Variants in KLF8 observed in about 807,000 individuals in gnomAD.
KLF8 encodes Krueppel-like factor 8.
In KLF8, 10 loss-of-function variants were observed where a neutral mutation model predicts 18.2. The observed-to-expected ratio is 0.55, with a 90% CI of 0.34 to 0.93. The LOEUF is 0.93. Among genes scored for constraint, KLF8 ranks in the 40% least tolerant of loss-of-function variants. The pLI, the probability that KLF8 is intolerant of heterozygous loss-of-function variation, is 0.02. For synonymous variants in KLF8, 109 were observed against 97.3 expected (o/e 1.12, Z -0.71); for missense variants, 264 against 277.9 (o/e 0.95, Z 0.36).
chrX:55,978,368 A>G, the KLF8 span, among the ~76,000 whole-genome samples: 2 of 112,168 alleles, frequency 1.8e-5, no homozygotes, highest in African/African-American at 6.5e-5. Context: ...TTAGTGTGGA[A>G]AAGGCTGCAT....
At chrX:56,110,971 T>G in the KLF8 span, among the ~76,000 whole-genome samples, 3 of 111,810 alleles carry the variant, frequency 2.7e-5, no homozygotes, top group Non-Finnish European at 5.6e-5. Flanking sequence ...TGCCCTTTTA[T>G]CTCAATCCAA....
At chrX:56,200,282 A>G in the KLF8 span, among the ~76,000 whole-genome samples, 2 of 111,013 alleles carry the variant, frequency 1.8e-5, no homozygotes, top group Admixed American at 1.9e-4. Context: ...GTACTCACAA[A>G]AACTAAAACT....
At position 56,291,465 on chromosome X, in the gene KLF8, C is replaced by G. The variant is rs2067322030; in HGVS notation, c.*6971C>G. On this transcript the variant is annotated 3_prime_UTR_variant, in exon 6 of 6. Transcript: ENST00000468660. The stretch of plus-strand genomic sequence containing the variant: ...TCCATGCAGGGTGTGTGCTTGGGGA[C>G]TAAGCAATCTTGTTCAGTTTAATTA... Among the ~76,000 whole-genome samples the G allele has an allele frequency of 8.9e-6, 1 of 111,807 alleles. No homozygotes were observed. The highest frequency in any genetic ancestry group is 1.9e-5 in the Non-Finnish European group (1 of 53,142).
chrX:56,130,876 C>G, the KLF8 span, among the ~76,000 whole-genome samples: 1 of 111,142 alleles, frequency 9.0e-6, no homozygotes, highest in Non-Finnish European at 1.9e-5. Context: ...AAAGTCTCAC[C>G]AATAGAATTG....
At chrX:56,270,740 A>G (rs1433083223) in intron 5 of KLF8, among the ~76,000 whole-genome samples, 1 of 111,280 alleles carries the variant, frequency 9.0e-6, no homozygotes, top group Non-Finnish European at 1.9e-5. Flanking sequence ...AAGCACAAGA[A>G]CAATTTAAAC....
At chrX:56,055,441 C>T in the KLF8 span, among the ~76,000 whole-genome samples, 2 of 111,798 alleles carry the variant, frequency 1.8e-5, no homozygotes, top group African/African-American at 6.5e-5. Context: ...CACTGTTTGT[C>T]TGATTGGATT....
chrX:56,012,730 A>G, the KLF8 span, among the ~76,000 whole-genome samples: 1 of 111,582 alleles, frequency 9.0e-6, no homozygotes, highest in African/African-American at 3.3e-5. Flanking sequence ...TTAACCTGAT[A>G]AGCAACTTCA....
the KLF8 span, among the ~76,000 whole-genome samples, chrX:56,197,971 G>A: frequency 1.8e-5 from 2 of 111,870 alleles, no homozygotes; most frequent in Non-Finnish European, 3.8e-5. Flanking sequence ...CACATTAACA[G>A]AACCAAAGAC....
the KLF8 span, among the ~76,000 whole-genome samples, chrX:55,937,143 C>A: frequency 9.0e-6 from 1 of 110,714 alleles, no homozygotes. Flanking sequence ...TGGACTGACA[C>A]CTCACACGGC....
At chrX:56,132,805 A>G in the KLF8 span, among the ~76,000 whole-genome samples, 14 of 111,689 alleles carry the variant, frequency 1.3e-4, no homozygotes, top group Non-Finnish European at 2.3e-4. Flanking sequence ...AGATCCAAAT[A>G]ACATTAATTA....
the KLF8 span, among the ~76,000 whole-genome samples, chrX:56,031,560 C>T: frequency 4.5e-5 from 5 of 111,846 alleles, no homozygotes; most frequent in South Asian, 1.9e-3. Flanking sequence ...AGGCGTTCCA[C>T]CGGGCCAATT....
chrX:56,191,275 T>C, the KLF8 span, among the ~76,000 whole-genome samples: 1 of 111,612 alleles, frequency 9.0e-6, no homozygotes, highest in Non-Finnish European at 1.9e-5. Flanking sequence ...ATTTGAAACA[T>C]GAACAGACCA....
rs2067261619 is a variant in KLF8, at chrX:56,285,757, T to TTTTATAATATTATAA, written c.*1275_*1276insTAATTTATAATATTA. The TTTTATAATATTATAA allele has an allele frequency of 9.0e-6, 1 of 111,514 alleles. No individual in the cohort carries two copies. The highest frequency in any genetic ancestry group is 1.9e-5 in the Non-Finnish European group (1 of 53,060). The allele number at this position is 111,514 out of a possible 1,213,427, so 9.2% of individuals were successfully genotyped here. On this transcript the variant is annotated 3_prime_UTR_variant, in exon 6 of 6. Transcript: ENST00000468660. ...CTCATTTAGCTGCCCAATCAGATTG[T>TTTTATAATATTATAA]TTTATAATATTACCTGGGGTACAAA...
At chrX:56,199,569 A>AG in the KLF8 span, among the ~76,000 whole-genome samples, 2 of 111,957 alleles carry the variant, frequency 1.8e-5, no homozygotes, top group Non-Finnish European at 3.8e-5. Context: ...ATCATTAAAA[A>AG]GTCAGGAAAA....
the KLF8 span, among the ~76,000 whole-genome samples, chrX:56,124,579 G>A: frequency 2.9e-3 from 323 of 111,668 alleles, 3 homozygotes; most frequent in African/African-American, 0.01. Context: ...TATAGAGAGA[G>A]AAGTCAATGG....
chrX:56,044,232 T>C, the KLF8 span, among the ~76,000 whole-genome samples: 1 of 111,201 alleles, frequency 9.0e-6, no homozygotes, highest in Non-Finnish European at 1.9e-5. Flanking sequence ...TGTACACCTG[T>C]ATATGATGGC....
the KLF8 span, among the ~76,000 whole-genome samples, chrX:56,056,244 T>A: frequency 9.0e-6 from 1 of 110,891 alleles, no homozygotes; most frequent in Non-Finnish European, 1.9e-5. Flanking sequence ...AACTTGGATT[T>A]TTTTCTTGTA....
At chrX:56,105,249 G>C in the KLF8 span, among the ~76,000 whole-genome samples, 6 of 111,711 alleles carry the variant, frequency 5.4e-5, no homozygotes, top group South Asian at 2.3e-3. Flanking sequence ...GCAGAGCTGA[G>C]TTCAAGTCCT....
At chrX:56,007,131 G>A in the KLF8 span, among the ~76,000 whole-genome samples, 2 of 112,249 alleles carry the variant, frequency 1.8e-5, no homozygotes, top group Admixed American at 1.9e-4. Context: ...TGTCCCAGAG[G>A]CAGCCTATCC....
Sources: allele counts gnomAD v4.1 joint callset (sites outside exome capture counted in the v4.1 genomes callset), GRCh38; gene constraint gnomAD v4.1.1; transcripts MANE v1.5; gene names NCBI Gene and HGNC (gene_info 2026-07-23, HGNC 2026-07-21).